The following CSMD1 variants were observed in gnomAD, a reference collection of about 807,000 sequenced individuals.
The protein encoded by CSMD1 is CUB and Sushi multiple domains 1.
Under a neutral mutation model 417.5 loss-of-function variants are expected in CSMD1, and 213 were observed. The observed-to-expected ratio is 0.51, with a 90% CI of 0.46 to 0.57. CSMD1 has a LOEUF of 0.57. Ranked by LOEUF, CSMD1 falls within the 20% of genes least tolerant of loss-of-function variation. CSMD1 has a pLI of 0.00. For synonymous variants in CSMD1, 2,862 were observed against 1,736.8 expected (o/e 1.65, Z -16.11); for missense variants, 6,923 against 4,529.7 (o/e 1.53, Z -15.17).
At position 2,968,250 on chromosome 8, in the gene CSMD1, G is replaced by A. The variant is rs573243868; in HGVS notation, c.8924-1504C>T. ...ACTGTGCAACAGGTACTGTGTGGAT[G>A]GGCTAATGGAAAGCCTGTCACAGAA... On this transcript the variant is annotated intron_variant, in intron 57 of 69. Transcript: ENST00000635120. Among the ~76,000 whole-genome samples, 4 of 152,300 alleles carry A rather than the reference G, an allele frequency of 2.6e-5. No individual in the cohort carries two copies. In the East Asian group the frequency reaches 7.7e-4, roughly 29 times the overall value.
rs28582421 is a variant in CSMD1, at chr8:2,949,892, G to T, written c.10314+339C>A. Reference sequence around the variant, plus strand: ...AATGATTTCTTTTAGAACGAGCAGCGTGGTTATCAAGCGGTCTTGGAAAAT... The same window carrying T: ...AATGATTTCTTTTAGAACGAGCAGCTTGGTTATCAAGCGGTCTTGGAAAAT... On this transcript the variant is annotated intron_variant, in intron 67 of 69. Coordinates refer to ENST00000635120, the MANE Select transcript of CSMD1 (RefSeq NM_033225.6). 2.0e-5 allele frequency among the ~76,000 whole-genome samples: 3 copies of T among 152,006 alleles called. No individual in the cohort carries two copies. The East Asian group carries it at 5.8e-4, about 29-fold the overall frequency.
chr8:3,768,448 A>C lies in CSMD1; in HGVS notation c.819-14406T>G, dbSNP rs146452751. On this transcript the variant is annotated intron_variant, in intron 5 of 69. Transcript: ENST00000635120. Reference sequence around the variant, plus strand: ...TTTTAAATTGATTACTGTAACCAGAAAATATATTTCCAACATATTTTTTTC... The same window carrying C: ...TTTTAAATTGATTACTGTAACCAGACAATATATTTCCAACATATTTTTTTC... 9.1e-3 allele frequency among the ~76,000 whole-genome samples: 1,382 copies of C among 152,300 alleles called. 14 individuals carry two copies. The highest frequency in any genetic ancestry group is 0.012 in the Admixed American group (176 of 15,276).
intron 3 of CSMD1, among the ~76,000 whole-genome samples, chr8:4,162,641 C>T (rs1055430625): frequency 6.6e-6 from 1 of 152,124 alleles, no homozygotes; most frequent in Non-Finnish European, 1.5e-5. Flanking sequence ...AGAAGGTACA[C>T]TGATATGTCA....
At chr8:3,594,798 C>T in intron 8 of CSMD1, among the ~76,000 whole-genome samples, 1 of 152,218 alleles carries the variant, frequency 6.6e-6, no homozygotes, top group Non-Finnish European at 1.5e-5. Context: ...AGGTGTTAAC[C>T]TCCGAGGGAA....
At chr8:4,147,623 T>C (rs369469930) in intron 3 of CSMD1, among the ~76,000 whole-genome samples, 1 of 152,314 alleles carries the variant, frequency 6.6e-6, no homozygotes, top group Admixed American at 6.5e-5. Flanking sequence ...GCTGGACATG[T>C]GGCATGTAGT....
At position 4,156,301 on chromosome 8, in the gene CSMD1, T is replaced by A. The variant is rs183751209; in HGVS notation, c.416-124202A>T. Among the ~76,000 whole-genome samples, 317 of 152,270 alleles carry A rather than the reference T, an allele frequency of 2.1e-3. 1 individual carries two copies. The highest frequency in any genetic ancestry group is 3.9e-3 in the Non-Finnish European group (263 of 68,028). On this transcript the variant is annotated intron_variant, in intron 3 of 69. Transcript: ENST00000635120. ...TGATGGGGTTGAAAATGCTTTCTCC[T>A]TTTCAATGAAGGCTCTGAACGGCCG... is the stretch of plus-strand genomic sequence containing the variant.
At chr8:3,733,020 G>C (rs1439281686) in intron 6 of CSMD1, among the ~76,000 whole-genome samples, 1 of 151,924 alleles carries the variant, frequency 6.6e-6, no homozygotes, top group South Asian at 2.1e-4. Flanking sequence ...CCCTGATCAA[G>C]GGAAATCTGA....
At chr8:3,728,165 T>C (rs1802606929) in intron 6 of CSMD1, among the ~76,000 whole-genome samples, 1 of 152,194 alleles carries the variant, frequency 6.6e-6, no homozygotes, top group Non-Finnish European at 1.5e-5. Flanking sequence ...TCATGGGTGC[T>C]GTTGCCCCCA....
intron 5 of CSMD1, among the ~76,000 whole-genome samples, chr8:3,915,332 G>A (rs1294609966): frequency 6.7e-6 from 1 of 148,744 alleles, no homozygotes; most frequent in Non-Finnish European, 1.5e-5. Flanking sequence ...TTTGAACCCA[G>A]GAAGCGGAAG....
chr8:4,499,640 G>A (rs766562074), intron 2 of CSMD1, among the ~76,000 whole-genome samples: 2 of 152,156 alleles, frequency 1.3e-5, no homozygotes, highest in Non-Finnish European at 2.9e-5. Context: ...TATATTTATC[G>A]CCCCTGCGAG....
intron 2 of CSMD1, among the ~76,000 whole-genome samples, chr8:4,560,723 G>C (rs990137945): frequency 3.3e-5 from 5 of 152,180 alleles, no homozygotes; most frequent in Non-Finnish European, 7.3e-5. Context: ...ACTGTGGTTT[G>C]AGACTCTTCG....
chr8:4,851,300 G>A (rs910857731), intron 1 of CSMD1, among the ~76,000 whole-genome samples: 1 of 151,872 alleles, frequency 6.6e-6, no homozygotes, highest in Non-Finnish European at 1.5e-5. Context: ...TGACTGCATA[G>A]TATTCTATGG....
chr8:3,488,786 C>T (rs138424980), intron 11 of CSMD1, among the ~76,000 whole-genome samples: 1 of 152,144 alleles, frequency 6.6e-6, no homozygotes, highest in Admixed American at 6.5e-5. Context: ...TCTGTCTATA[C>T]TGTCACTGGC....
chr8:4,816,985 C>T (rs1377133302), intron 1 of CSMD1, among the ~76,000 whole-genome samples: 2 of 152,118 alleles, frequency 1.3e-5, no homozygotes, highest in Non-Finnish European at 2.9e-5. Context: ...GAAAACTGCA[C>T]CAAACACAGA....
chr8:4,687,319 G>A (rs1806457114), intron 1 of CSMD1, among the ~76,000 whole-genome samples: 1 of 152,338 alleles, frequency 6.6e-6, no homozygotes, highest in South Asian at 2.1e-4. Flanking sequence ...GAAGACAGAT[G>A]CATAGATGGA....
At chr8:3,142,745 A>G in intron 40 of CSMD1, 71 bp from the exon 41 acceptor site, 2 of 1,279,150 alleles carry the variant, frequency 1.6e-6, no homozygotes, top group Admixed American at 3.4e-5. Flanking sequence ...ATAAAAAGGG[A>G]CTGAAGTGTT....
intron 5 of CSMD1, among the ~76,000 whole-genome samples, chr8:3,947,339 TCAAGAATGTTAAAC>T (rs1237293862): frequency 6.6e-6 from 1 of 152,226 alleles, no homozygotes; most frequent in African/African-American, 2.4e-5. Flanking sequence ...ACAATGATTT[TCAAGAATGTTAAAC>T]CAATCTCGTA....
At chr8:3,894,814 C>G (rs1429863354) in intron 5 of CSMD1, among the ~76,000 whole-genome samples, 1 of 152,156 alleles carries the variant, frequency 6.6e-6, no homozygotes, top group Non-Finnish European at 1.5e-5. Context: ...TGCTCTAATT[C>G]AAATTCACTG....
At chr8:4,023,682 G>A (rs957274376) in intron 4 of CSMD1, among the ~76,000 whole-genome samples, 8 of 149,952 alleles carry the variant, frequency 5.3e-5, no homozygotes, top group South Asian at 4.2e-4. Context: ...CGCCTCCAGG[G>A]TTCACGCCAT....
Sources: allele counts gnomAD v4.1 joint callset (sites outside exome capture counted in the v4.1 genomes callset), GRCh38; gene constraint gnomAD v4.1.1; transcripts MANE v1.5; gene names NCBI Gene and HGNC (gene_info 2026-07-23, HGNC 2026-07-21).